The following NDST4 variants were observed in gnomAD, a reference collection of about 807,000 sequenced individuals.
NDST4 encodes N-deacetylase and N-sulfotransferase 4.
NDST4 carries 63 observed loss-of-function variants against 100.8 expected under a neutral mutation model. That is an observed-to-expected ratio of 0.62 (90% CI 0.51 to 0.77). The LOEUF is 0.77. Among genes scored for constraint, NDST4 ranks in the 30% least tolerant of loss-of-function variants. The pLI is 0.00. For missense variants in NDST4, 943 were observed against 1,018.4 expected (o/e 0.93, Z 1.01); for synonymous variants, 377 against 361.8 (o/e 1.04, Z -0.48).
chr4:115,022,655 C>T (rs1281826268), intron 2 of NDST4, among the ~76,000 whole-genome samples: 2 of 152,034 alleles, frequency 1.3e-5, no homozygotes, highest in Non-Finnish European at 2.9e-5. Flanking sequence ...TTGGCTATGT[C>T]CCCACCCGAA....
intron 13 of NDST4, 78 bp downstream of exon 13, chr4:114,829,712 A>C: frequency 3.0e-6 from 3 of 1,016,844 alleles, no homozygotes; most frequent in East Asian, 2.5e-5. Flanking sequence ...AAAGGAAGCA[A>C]ATTTCTTGTT....
intron 2 of NDST4, among the ~76,000 whole-genome samples, chr4:114,980,629 T>TCA (rs1726746045): frequency 6.6e-6 from 1 of 150,908 alleles, no homozygotes; most frequent in African/African-American, 2.4e-5. Flanking sequence ...GCGACAAGAG[T>TCA]GAAACTCCAT....
chr4:114,867,665 C>CAAAAAAAAAAAAAAAAAGAA (rs1724061751), intron 7 of NDST4, among the ~76,000 whole-genome samples: 87 of 79,840 alleles, frequency 1.1e-3, no homozygotes, highest in South Asian at 2.3e-3. Flanking sequence ...AAAAAAAAAG[C>CAAAAAAAAAAAAAAAAAGAA]AAAAAAAAAA....
At chr4:115,056,855 T>G (rs569193962) in intron 2 of NDST4, among the ~76,000 whole-genome samples, 13 of 151,986 alleles carry the variant, frequency 8.6e-5, no homozygotes, top group Non-Finnish European at 1.9e-4. Flanking sequence ...AAATCCTTCA[T>G]GTTTTTGGAT....
intron 6 of NDST4, among the ~76,000 whole-genome samples, chr4:114,878,741 GA>G (rs1393200247): frequency 4.6e-5 from 7 of 151,924 alleles, no homozygotes; most frequent in African/African-American, 1.4e-4. Flanking sequence ...TTTATAAAAT[GA>G]AAAACATTGT....
chr4:114,833,653 C>A lies in NDST4; in HGVS notation c.2349G>T (p.Gln783His). 1 of 1,613,502 alleles carries A rather than the reference C, an allele frequency of 6.2e-7. No individual in the cohort carries two copies. The highest frequency in any genetic ancestry group is 8.5e-7 in the Non-Finnish European group (1 of 1,179,760). The change falls in exon 12 of 14, where the codon CAG becomes CAT. Residue 783 changes from glutamine to histidine, a missense_variant. Coordinates refer to ENST00000264363, the MANE Select transcript of NDST4 (RefSeq NM_022569.3). ...SDPATVMDEV[Q>H]KFLGVTPRYN... Reference sequence around the variant, plus strand: ...AACGAGGTGTAACTCCCAGAAACTTCTGGACTTCATCCATCACAGTAGCTG... The same window carrying A: ...AACGAGGTGTAACTCCCAGAAACTTATGGACTTCATCCATCACAGTAGCTG...
intron 2 of NDST4, among the ~76,000 whole-genome samples, chr4:115,068,320 A>G (rs529840604): frequency 6.6e-6 from 1 of 152,244 alleles, no homozygotes; most frequent in South Asian, 2.1e-4. Flanking sequence ...ATCAAGCCTT[A>G]ATACCAGCCT....
intron 6 of NDST4, among the ~76,000 whole-genome samples, chr4:114,903,094 T>C (rs1466706179): frequency 3.9e-5 from 6 of 152,098 alleles, no homozygotes; most frequent in Non-Finnish European, 8.8e-5. Flanking sequence ...GTTCTGATGA[T>C]TGATTTTGAA....
chr4:114,861,237 G>C (rs1723911602), intron 7 of NDST4, among the ~76,000 whole-genome samples: 1 of 152,158 alleles, frequency 6.6e-6, no homozygotes, highest in Admixed American at 6.6e-5. Context: ...CAGTCATTAA[G>C]AGCATGAACT....
Position 114,929,116 on chromosome 4 carries a change from C to CCA in NDST4, c.1536+6089_1536+6090insTG, listed in dbSNP as rs1725456133. On this transcript the variant is annotated intron_variant, in intron 6 of 13. Coordinates refer to ENST00000264363, the MANE Select transcript of NDST4 (RefSeq NM_022569.3). ...TCCATCCATCCATCCATCCATCCATCTATCTATCTATCTATCTATCTATCT... is the reference window on the plus strand; with the variant it reads ...TCCATCCATCCATCCATCCATCCATCCATATCTATCTATCTATCTATCTATCT... 1.5e-3 allele frequency among the ~76,000 whole-genome samples: 183 copies of CCA among 118,490 alleles called. 3 individuals are homozygous for CCA. The highest frequency in any genetic ancestry group is 4.0e-3 in the East Asian group (17 of 4,252). The allele number at this position is 118,490 out of a possible 152,430, so 77.7% of individuals were successfully genotyped here. A position where few individuals can be genotyped will look rare whatever the true frequency, so the allele number is the denominator to read the frequency against.
chr4:115,089,934 C>CTA (rs565468797), intron 1 of NDST4, among the ~76,000 whole-genome samples: 189 of 151,762 alleles, frequency 1.2e-3, no homozygotes, highest in African/African-American at 4.3e-3. Context: ...TATATGTCCC[C>CTA]ACAGAATTTA....
At chr4:114,970,632 T>C (rs374361822) in intron 3 of NDST4, 48 bp from the exon 4 acceptor site, 5 of 1,500,360 alleles carry the variant, frequency 3.3e-6, no homozygotes, top group African/African-American at 1.4e-5. Flanking sequence ...TTTCTTACTA[T>C]CTTAAAGGTT....
chr4:115,058,434 A>G (rs1728748277), intron 2 of NDST4, among the ~76,000 whole-genome samples: 1 of 152,158 alleles, frequency 6.6e-6, no homozygotes, highest in Non-Finnish European at 1.5e-5. Context: ...TAATCATTAT[A>G]TTGACTGCTT....
intron 4 of NDST4, among the ~76,000 whole-genome samples, chr4:114,939,994 G>C (rs1725714360): frequency 6.6e-6 from 1 of 152,124 alleles, no homozygotes; most frequent in Non-Finnish European, 1.5e-5. Context: ...CTACTTCGCA[G>C]AGACTTGGCC....
At position 115,076,809 on chromosome 4, in the gene NDST4, C is replaced by A. The variant is rs567933007; in HGVS notation, c.228G>T (p.Thr76=). ...KTVKPIDTSK[T]DPTVLLFVES... ...CCACGAAGAGAAGGACAGTAGGGTCCGTTTTGGATGTGTCAATAGGTTTAA... is the reference window on the plus strand; with the variant it reads ...CCACGAAGAGAAGGACAGTAGGGTCAGTTTTGGATGTGTCAATAGGTTTAA... The change falls in exon 2 of 14, where the codon ACG becomes ACT. Residue 76 remains threonine (T), a synonymous_variant. Transcript: ENST00000264363. 1 of 1,613,820 alleles carries A rather than the reference C, an allele frequency of 6.2e-7. No homozygotes were observed. The highest frequency in any genetic ancestry group is 2.2e-5 in the East Asian group (1 of 44,816).
intron 4 of NDST4, among the ~76,000 whole-genome samples, chr4:114,962,624 T>A (rs1726288782): frequency 6.6e-6 from 1 of 151,986 alleles, no homozygotes; most frequent in Non-Finnish European, 1.5e-5. Context: ...AAATTTAGAC[T>A]CTGAAAATTA....
chr4:114,936,565 T>C (rs566243040), intron 5 of NDST4, among the ~76,000 whole-genome samples: 2 of 152,306 alleles, frequency 1.3e-5, no homozygotes, highest in East Asian at 3.9e-4. Context: ...GGCAACTAAT[T>C]ATAAAAACAT....
At chr4:114,905,394 T>C (rs1051201655) in intron 6 of NDST4, among the ~76,000 whole-genome samples, 33 of 152,038 alleles carry the variant, frequency 2.2e-4, no homozygotes, top group African/African-American at 7.7e-4. Flanking sequence ...GAGAGGACAA[T>C]CTGATTTTTT....
chr4:115,080,738 T>C (rs481751), intron 1 of NDST4, among the ~76,000 whole-genome samples: 35,251 of 151,710 alleles, frequency 0.23, 5,580 homozygotes, highest in East Asian at 0.46. Context: ...TATTTGGAAC[T>C]TGTCGAAGGA....
Sources: allele counts gnomAD v4.1 joint callset (sites outside exome capture counted in the v4.1 genomes callset), GRCh38; gene constraint gnomAD v4.1.1; transcripts MANE v1.5; gene names NCBI Gene and HGNC (gene_info 2026-07-23, HGNC 2026-07-21).